The following OSBPL9 variants were observed in gnomAD, a reference collection of about 807,000 sequenced individuals.
The protein encoded by OSBPL9 is oxysterol-binding protein-related protein 9.
OSBPL9 carries 40 observed loss-of-function variants against 106.6 expected under a neutral mutation model. That is an observed-to-expected ratio of 0.38 (90% CI 0.29 to 0.49). OSBPL9 has a LOEUF of 0.49. OSBPL9 is among the 20% of genes least tolerant of loss of function. The probability of loss-of-function intolerance (pLI) is 0.97; values close to 1 mark genes in which losing one functional copy is unlikely to be tolerated. For synonymous variants in OSBPL9, 269 were observed against 295.4 expected, an observed-to-expected ratio of 0.91 and a Z score of 0.92; for missense variants, 609 against 887.2, an observed-to-expected ratio of 0.69 and a Z score of 3.98.
intron 4 of OSBPL9, among the ~76,000 whole-genome samples, chr1:51,721,813 C>T (rs1662180732): frequency 6.6e-6 from 1 of 152,194 alleles, no homozygotes; most frequent in African/African-American, 2.4e-5. Context: ...GGTTGCAATA[C>T]AGATGTGTCA....
At chr1:51,540,652 C>CA in the OSBPL9 span, among the ~76,000 whole-genome samples, 2,435 of 134,738 alleles carry the variant, frequency 0.018, 18 homozygotes, top group Middle Eastern at 0.055. Context: ...GACTCTGTCT[C>CA]AAAAAAAAAA....
At chr1:51,597,143 T>C (rs1645304053) in intron 1 of OSBPL9, among the ~76,000 whole-genome samples, 4 of 152,092 alleles carry the variant, frequency 2.6e-5, no homozygotes, top group African/African-American at 9.7e-5. Context: ...AGAAAGCCAA[T>C]GTGGCTTAAG....
At chr1:51,554,504 A>C in the OSBPL9 span, among the ~76,000 whole-genome samples, 2 of 152,186 alleles carry the variant, frequency 1.3e-5, no homozygotes, top group African/African-American at 4.8e-5. Flanking sequence ...CAGTTCCTAC[A>C]CCTGAAAAAT....
the OSBPL9 span, among the ~76,000 whole-genome samples, chr1:51,533,485 C>CAA: frequency 2.2e-4 from 12 of 54,366 alleles, no homozygotes; most frequent in Admixed American, 4.3e-4. Context: ...GACTCTGTCT[C>CAA]AAAAAAAAAA....
chr1:51,658,145 A>G (rs1390769440), intron 2 of OSBPL9, among the ~76,000 whole-genome samples: 2 of 152,000 alleles, frequency 1.3e-5, no homozygotes, highest in African/African-American at 4.8e-5. Flanking sequence ...TAGTGGCAAA[A>G]ACAAATACAG....
chr1:51,669,073 G>T (rs930767391), intron 2 of OSBPL9, among the ~76,000 whole-genome samples: 2 of 152,148 alleles, frequency 1.3e-5, no homozygotes, highest in Admixed American at 1.3e-4. Context: ...CAACAACCTG[G>T]TGAGGTGTAG....
intron 11 of OSBPL9, 113 bp from the exon 12 acceptor site, chr1:51,765,709 T>C: frequency 9.7e-7 from 1 of 1,029,910 alleles, no homozygotes; most frequent in Non-Finnish European, 1.4e-6. Context: ...GTAGCGACTT[T>C]TACAAACTTA....
chr1:51,600,518 T>C (rs1397978259), intron 2 of OSBPL9, among the ~76,000 whole-genome samples: 2 of 152,214 alleles, frequency 1.3e-5, no homozygotes, highest in Non-Finnish European at 2.9e-5. Flanking sequence ...TATTCATTAT[T>C]ATTATGTTCT....
At chr1:51,629,250 T>C (rs1196562039) in intron 1 of OSBPL9, among the ~76,000 whole-genome samples, 3 of 152,228 alleles carry the variant, frequency 2.0e-5, no homozygotes, top group Non-Finnish European at 4.4e-5. Context: ...ATTTTGTTTC[T>C]CTTGCTTATT....
intron 10 of OSBPL9, 38 bp from the exon 11 acceptor site, chr1:51,761,829 T>C: frequency 6.9e-7 from 1 of 1,455,742 alleles, no homozygotes; most frequent in Non-Finnish European, 9.6e-7. Flanking sequence ...TGTGTTTGGC[T>C]GTTTCTGTAC....
At chr1:51,718,083 A>G (rs1488189717) in intron 4 of OSBPL9, among the ~76,000 whole-genome samples, 2 of 152,242 alleles carry the variant, frequency 1.3e-5, no homozygotes, top group East Asian at 3.8e-4. Flanking sequence ...ACTGGAGGTC[A>G]TGATGTTAAG....
intron 2 of OSBPL9, among the ~76,000 whole-genome samples, chr1:51,599,168 A>G (rs1645316137): frequency 6.6e-6 from 1 of 152,164 alleles, no homozygotes; most frequent in Non-Finnish European, 1.5e-5. Flanking sequence ...AGCTATGATT[A>G]CACCACTGCA....
intron 3 of OSBPL9, among the ~76,000 whole-genome samples, chr1:51,711,520 C>CCCT (rs1659912834): frequency 7.4e-6 from 1 of 134,734 alleles, no homozygotes; most frequent in African/African-American, 2.8e-5. Context: ...GGCTGACCCC[C>CCCT]CACCTCCCTC....
chr1:51,579,975 C>T (rs765223107), intron 1 of OSBPL9, among the ~76,000 whole-genome samples: 5 of 152,006 alleles, frequency 3.3e-5, no homozygotes, highest in African/African-American at 7.3e-5. Context: ...TTTCTGTCTC[C>T]ACCGTCCTTG....
At chr1:51,596,258 CAAAAAAAAAA>C (rs35791042) in intron 1 of OSBPL9, among the ~76,000 whole-genome samples, 1 of 48,360 alleles carries the variant, frequency 2.1e-5, no homozygotes, top group African/African-American at 8.8e-5. Context: ...GACGCTGTCT[CAAAAAAAAAA>C]AAAAAAAAAA....
chr1:51,589,340 C>CA (rs1255423467), intron 1 of OSBPL9, among the ~76,000 whole-genome samples: 1 of 152,204 alleles, frequency 6.6e-6, no homozygotes, highest in Non-Finnish European at 1.5e-5. Context: ...CTGCCTGCCT[C>CA]AGTTTCCCAA....
chr1:51,750,052 A>G (rs964918643), intron 7 of OSBPL9, 93 bp from the exon 8 acceptor site: 2 of 859,970 alleles, frequency 2.3e-6, no homozygotes, highest in East Asian at 2.7e-5. Flanking sequence ...CTTAAACTCT[A>G]TACATCTGAA....
chr1:51,628,251 A>G (rs746476389), intron 1 of OSBPL9, among the ~76,000 whole-genome samples: 4 of 152,228 alleles, frequency 2.6e-5, no homozygotes, highest in Non-Finnish European at 5.9e-5. Context: ...CTTTATATAA[A>G]TGGAATCATT....
chr1:51,650,108 C>T (rs1322710945), intron 1 of OSBPL9, among the ~76,000 whole-genome samples: 1 of 152,022 alleles, frequency 6.6e-6, no homozygotes, highest in Non-Finnish European at 1.5e-5. Flanking sequence ...AACTCCTGGG[C>T]CCAAGTGACC....
Sources: gnomAD v4.1 joint callset for allele counts (sites outside exome capture counted in the v4.1 genomes callset) on GRCh38, gnomAD v4.1.1 for gene constraint, MANE v1.5 for transcripts, NCBI Gene and HGNC (gene_info 2026-07-23, HGNC 2026-07-21) for gene names.